WDFY1: variants seen among roughly 807,000 people sequenced by gnomAD.
WDFY1 encodes WD repeat and FYVE domain-containing protein 1.
WDFY1 carries 32 observed loss-of-function variants against 56.4 expected under a neutral mutation model. That is an observed-to-expected ratio of 0.57 (90% confidence interval 0.43 to 0.76). The LOEUF is 0.76. WDFY1 is among the 30% of genes least tolerant of loss of function. The pLI, the probability that WDFY1 is intolerant of heterozygous loss-of-function variation, is 0.00. For missense variants in WDFY1, 480 were observed against 545.7 expected (o/e 0.88, Z 1.20); for synonymous variants, 192 against 197.3 (o/e 0.97, Z 0.23).
chr2:223,930,310 G>A (rs1245446170), intron 1 of WDFY1, among the ~76,000 whole-genome samples: 1 of 152,182 alleles, frequency 6.6e-6, no homozygotes, highest in Non-Finnish European at 1.5e-5. Context: ...TTTCCATCAA[G>A]AGATGGAATA....
rs1692983460 is a variant in WDFY1 at position 223,877,016 on chromosome 2, C to T, written c.*1655G>A. The stretch of plus-strand genomic sequence containing the variant: ...TCTAGAAAGTTTTTAAAAGAAATCT[C>T]TTTAGGTGATGTAACACGAAAACTC... On this transcript the variant is annotated 3_prime_UTR_variant, in exon 12 of 12. Coordinates refer to ENST00000233055, the MANE Select transcript of WDFY1 (RefSeq NM_020830.5). 6.6e-6 allele frequency: 1 copy of T among 152,182 alleles called. No individual in the cohort carries two copies. Among genetic ancestry groups the T allele is most frequent in the Admixed American group, 6.5e-5 (1 of 15,276 alleles). 9.4% of individuals were successfully genotyped at this position (152,182 alleles called of 1,614,324 possible).
intron 2 of WDFY1, among the ~76,000 whole-genome samples, chr2:223,917,113 C>T (rs563298752): frequency 2.7e-4 from 41 of 152,110 alleles, no homozygotes; most frequent in Admixed American, 1.1e-3. Context: ...CAAGCCCGGC[C>T]TCCAGGGCTG....
chr2:223,909,546 C>T (rs1693657828), intron 3 of WDFY1, among the ~76,000 whole-genome samples: 1 of 152,106 alleles, frequency 6.6e-6, no homozygotes, highest in Non-Finnish European at 1.5e-5. Context: ...CTTCACATGG[C>T]CAGTTGGAAG....
chr2:223,882,067 G>C lies in WDFY1; in HGVS notation c.939C>G (p.His313Gln). Residue 313 changes from histidine to glutamine, a missense_variant, in exon 10 of 12, where the codon CAC becomes CAG. His to Gln is a conservative substitution (Grantham distance 24). Coordinates refer to ENST00000233055, the MANE Select transcript of WDFY1 (RefSeq NM_020830.5). ...AGACAGCCTGCCCGCATTTCCTGCA[G>C]TGATGCTTCACAGGTGACCGGGAGG... ...DTKTLGLRQHHCRKCGQAVCG... is the reference protein window; with the variant it reads ...DTKTLGLRQHQCRKCGQAVCG... 1 of 1,613,336 alleles carries C rather than the reference G, an allele frequency of 6.2e-7. No individual in the cohort carries two copies. Among genetic ancestry groups the C allele is most frequent in the South Asian group, 1.1e-5 (1 of 91,058 alleles).
Position 223,937,750 on chromosome 2 carries a change from C to A in WDFY1, c.137+7398G>T, listed in dbSNP as rs140308314. Among the ~76,000 whole-genome samples the A allele has an allele frequency of 6.9e-3, 1,047 of 152,320 alleles. 7 individuals are homozygous for A. Among genetic ancestry groups the A allele is most frequent in the African/African-American group, 0.023 (960 of 41,574 alleles). On this transcript the variant is annotated intron_variant, in intron 1 of 11. Coordinates refer to ENST00000233055, the MANE Select transcript of WDFY1 (RefSeq NM_020830.5). ...TAAATGTGTGGGGTGGCCACCCAGG[C>A]TTCCTGCCTTCTCAAGTCTTCAGTT...
At chr2:223,927,400 T>C (rs1694001730) in intron 1 of WDFY1, among the ~76,000 whole-genome samples, 1 of 152,260 alleles carries the variant, frequency 6.6e-6, no homozygotes, top group African/African-American at 2.4e-5. Context: ...ACATTAGCAC[T>C]TGATGCTTCA....
intron 3 of WDFY1, among the ~76,000 whole-genome samples, chr2:223,909,028 C>T (rs1034166513): frequency 2.1e-4 from 32 of 152,138 alleles, no homozygotes; most frequent in African/African-American, 5.1e-4. Context: ...CAGCCTTGTC[C>T]CTTCAAAGCC....
chr2:223,927,348 A>G (rs545694458), intron 1 of WDFY1, among the ~76,000 whole-genome samples: 2 of 152,218 alleles, frequency 1.3e-5, no homozygotes, highest in Non-Finnish European at 2.9e-5. Flanking sequence ...GCTTTTGCCA[A>G]TTATCTTCAC....
At chr2:223,893,657 AAATTAAGGCACTTAACC>A (rs1693315526) in intron 8 of WDFY1, among the ~76,000 whole-genome samples, 1 of 152,202 alleles carries the variant, frequency 6.6e-6, no homozygotes, top group Non-Finnish European at 1.5e-5. Flanking sequence ...ATACTTAGAG[AAATTAAGGCACTTAACC>A]AAATAAGGTC....
rs71058956 is a variant in WDFY1 at position 223,896,155 on chromosome 2, C to CAAAAAAAAAAAAAAAAAAAAA, written c.599-546_599-526dup. On this transcript the variant is annotated intron_variant, in intron 6 of 11. Coordinates refer to ENST00000233055, the MANE Select transcript of WDFY1 (RefSeq NM_020830.5). ...TGGGTGACAGAGTGAGACTCTGTCTCAAAAAAAAAAAAAAAAAAAAAAAAA... is the reference window on the plus strand; with the variant it reads ...TGGGTGACAGAGTGAGACTCTGTCTCAAAAAAAAAAAAAAAAAAAAAAAAAAAAAAAAAAAAAAAAAAAAAA... 4.0e-4 allele frequency among the ~76,000 whole-genome samples: 16 copies of CAAAAAAAAAAAAAAAAAAAAA among 39,838 alleles called. 1 individual carries two copies. Among genetic ancestry groups the CAAAAAAAAAAAAAAAAAAAAA allele is most frequent in the South Asian group, 1.8e-3 (1 of 570 alleles). The allele number at this position is 39,838 out of a possible 152,430, so 26.1% of individuals were successfully genotyped here.
chr2:223,879,305 AT>A (rs952398957), intron 11 of WDFY1, among the ~76,000 whole-genome samples: 9 of 150,480 alleles, frequency 6.0e-5, no homozygotes, highest in African/African-American at 2.2e-4. Flanking sequence ...TATAAATTCA[AT>A]TTTTTTTTTA....
intron 7 of WDFY1, among the ~76,000 whole-genome samples, chr2:223,894,976 T>C (rs955862164): frequency 6.6e-6 from 1 of 152,266 alleles, no homozygotes; most frequent in African/African-American, 2.4e-5. Flanking sequence ...ATGTATTTCT[T>C]TTTCTTTCAG....
intron 1 of WDFY1, among the ~76,000 whole-genome samples, chr2:223,943,687 G>A (rs1430513793): frequency 6.6e-6 from 1 of 152,170 alleles, no homozygotes; most frequent in African/African-American, 2.4e-5. Context: ...CCACCGGAAA[G>A]CTACTGACAT....
rs537402390 is a variant in WDFY1 at position 223,879,362 on chromosome 2, G to T, written c.1174-632C>A. 2.0e-5 allele frequency among the ~76,000 whole-genome samples: 3 copies of T among 152,090 alleles called. No individual in the cohort carries two copies. In the East Asian group the frequency reaches 5.8e-4, roughly 29 times the overall value. ...AGAATATCTCAGTTTCACCACTGAA[G>T]AGTGGTACTTAGGCCATGCATGGTG... On this transcript the variant is annotated intron_variant, in intron 11 of 11. Transcript: ENST00000233055.
At chr2:223,942,364 C>T (rs1442084564) in intron 1 of WDFY1, among the ~76,000 whole-genome samples, 1 of 151,344 alleles carries the variant, frequency 6.6e-6, no homozygotes, top group Non-Finnish European at 1.5e-5. Context: ...GGACTACAGG[C>T]GCCTGCCACC....
chr2:223,922,159 C>T (rs569787183), intron 1 of WDFY1, among the ~76,000 whole-genome samples: 130 of 152,336 alleles, frequency 8.5e-4, no homozygotes, highest in African/African-American at 3.0e-3. Context: ...CCTAAATCCA[C>T]CTTCCTCCCC....
At position 223,884,798 on chromosome 2, in the gene WDFY1, C is replaced by T. The variant is rs375274553; in HGVS notation, c.832-49G>A. 62 of 1,520,174 alleles carry T rather than the reference C, an allele frequency of 4.1e-5. No individual in the cohort carries two copies. The African/African-American group carries it at 6.9e-4, about 17-fold the overall frequency. The allele number at this position is 1,520,174 out of a possible 1,614,324, so 94.2% of individuals were successfully genotyped here. A position where few individuals can be genotyped will look rare whatever the true frequency, so the allele number is the denominator to read the frequency against. On this transcript the variant is annotated intron_variant, in intron 8 of 11. Coordinates refer to ENST00000233055, the MANE Select transcript of WDFY1 (RefSeq NM_020830.5). The stretch of plus-strand genomic sequence containing the variant: ...CACCATCAGTGTGTCTATATTTACT[C>T]CCATGTTTCAAAATTAATACAACAG...
At position 223,881,698 on chromosome 2, in the gene WDFY1, G is replaced by C. The variant is rs545195748; in HGVS notation, c.1064+244C>G. Among the ~76,000 whole-genome samples the C allele has an allele frequency of 2.0e-5, 3 of 152,238 alleles. No homozygotes were observed. In the East Asian group the frequency reaches 5.8e-4, roughly 30 times the overall value. On this transcript the variant is annotated intron_variant, in intron 10 of 11. Coordinates refer to ENST00000233055, the MANE Select transcript of WDFY1 (RefSeq NM_020830.5). Reference sequence around the variant, plus strand: ...AGCTACTCGGGTGGCTGAGGCAGGAGAATCGCTTGAACCCGGGAGGCAGAG... The same window carrying C: ...AGCTACTCGGGTGGCTGAGGCAGGACAATCGCTTGAACCCGGGAGGCAGAG...
chr2:223,884,611 C>G (rs1238844967), intron 9 of WDFY1, 37 bp downstream of exon 9: 1 of 1,595,884 alleles, frequency 6.3e-7, no homozygotes, highest in Non-Finnish European at 8.6e-7. Flanking sequence ...GTGAAATACA[C>G]AATCAAGCCA....
Sources: allele counts gnomAD v4.1 joint callset (sites outside exome capture counted in the v4.1 genomes callset), GRCh38; gene constraint gnomAD v4.1.1; transcripts MANE v1.5; gene names NCBI Gene and HGNC (gene_info 2026-07-23, HGNC 2026-07-21).